The following CSTPP1 variants were observed in gnomAD, a reference collection of about 807,000 sequenced individuals.
CSTPP1 encodes the protein UPF0705 protein C11orf49.
the CSTPP1 span, among the ~76,000 whole-genome samples, chr11:47,112,012 T>C: frequency 1.3e-5 from 2 of 152,192 alleles, no homozygotes; most frequent in African/African-American, 2.4e-5. Flanking sequence ...GCTCCTGCCA[T>C]GTTGGTTTCC....
At chr11:46,991,574 C>T in the CSTPP1 span, 1 of 152,124 alleles carries the variant, frequency 6.6e-6, no homozygotes, top group Non-Finnish European at 1.5e-5. Flanking sequence ...GCCTACGGGT[C>T]AAGTTTCTAT....
the CSTPP1 span, chr11:47,155,099 C>G: frequency 1.0e-6 from 1 of 965,926 alleles, no homozygotes; most frequent in Non-Finnish European, 1.6e-6. Flanking sequence ...CTTTTCCCTT[C>G]CTCCCTCTCC....
At chr11:47,046,543 TAGAA>T in the CSTPP1 span, among the ~76,000 whole-genome samples, 1 of 151,568 alleles carries the variant, frequency 6.6e-6, no homozygotes, top group Non-Finnish European at 1.5e-5. Flanking sequence ...GCTAAATAAA[TAGAA>T]AGACACCCTG....
the CSTPP1 span, among the ~76,000 whole-genome samples, chr11:46,953,669 T>C: frequency 6.6e-6 from 1 of 152,230 alleles, no homozygotes; most frequent in African/African-American, 2.4e-5. Flanking sequence ...CAATATAATG[T>C]CAACTTTCAT....
chr11:47,080,593 G>A, the CSTPP1 span, among the ~76,000 whole-genome samples: 57 of 152,170 alleles, frequency 3.7e-4, no homozygotes, highest in African/African-American at 1.4e-3. Flanking sequence ...AAAATTACAT[G>A]ATTGCAGGTG....
the CSTPP1 span, among the ~76,000 whole-genome samples, chr11:47,047,772 G>T: frequency 6.6e-5 from 10 of 152,034 alleles, no homozygotes; most frequent in African/African-American, 2.2e-4. Context: ...ATCCAATAAG[G>T]AATTAATATC....
chr11:46,950,319 G>A, the CSTPP1 span, among the ~76,000 whole-genome samples: 3 of 151,224 alleles, frequency 2.0e-5, no homozygotes, highest in African/African-American at 4.9e-5. Flanking sequence ...GACTACAGGC[G>A]CCCGCCACCT....
At chr11:46,994,760 G>C in the CSTPP1 span, among the ~76,000 whole-genome samples, 1 of 152,186 alleles carries the variant, frequency 6.6e-6, no homozygotes, top group Non-Finnish European at 1.5e-5. Flanking sequence ...GTCTCTGCCA[G>C]GCTTTGGTAT....
the CSTPP1 span, chr11:47,164,338 C>G: frequency 2.2e-6 from 3 of 1,385,346 alleles, no homozygotes; most frequent in Non-Finnish European, 2.9e-6. Flanking sequence ...CCTGCAGGGG[C>G]TTTATTTTGA....
the CSTPP1 span, among the ~76,000 whole-genome samples, chr11:47,070,267 G>GGA: frequency 8.7e-4 from 128 of 146,694 alleles, no homozygotes; most frequent in Admixed American, 2.3e-3. Flanking sequence ...GGAGAGAGGG[G>GGA]GAGAGAGAGA....
At chr11:46,977,241 C>T in the CSTPP1 span, among the ~76,000 whole-genome samples, 14 of 152,294 alleles carry the variant, frequency 9.2e-5, no homozygotes, top group Admixed American at 2.6e-4. Context: ...CATTCCTCAA[C>T]AAAACAGCAG....
chr11:46,982,155 G>T, the CSTPP1 span, among the ~76,000 whole-genome samples: 243 of 151,590 alleles, frequency 1.6e-3, no homozygotes, highest in African/African-American at 5.6e-3. Flanking sequence ...TTTTAATTTA[G>T]TTCAGCAAAC....
the CSTPP1 span, among the ~76,000 whole-genome samples, chr11:47,021,526 G>A: frequency 6.6e-6 from 1 of 152,140 alleles, no homozygotes; most frequent in Non-Finnish European, 1.5e-5. Context: ...CTGGCAGGGG[G>A]AGTCCTTAAT....
chr11:47,142,098 C>T, the CSTPP1 span, among the ~76,000 whole-genome samples: 1 of 151,882 alleles, frequency 6.6e-6, no homozygotes, highest in Non-Finnish European at 1.5e-5. Context: ...CAAAAATTAG[C>T]TGGGCGTGGT....
the CSTPP1 span, among the ~76,000 whole-genome samples, chr11:47,085,489 T>A: frequency 6.6e-5 from 10 of 152,114 alleles, no homozygotes; most frequent in Non-Finnish European, 1.3e-4. Context: ...CTGGAAAAGA[T>A]AAAATAAACA....
At chr11:47,075,926 C>CAAAAAAA in the CSTPP1 span, among the ~76,000 whole-genome samples, 1 of 35,802 alleles carries the variant, frequency 2.8e-5, no homozygotes, top group Non-Finnish European at 5.6e-5. Context: ...GATTCATTCT[C>CAAAAAAA]AAAAAAAAAA....
chr11:46,992,790 C>T, the CSTPP1 span, among the ~76,000 whole-genome samples: 9 of 152,104 alleles, frequency 5.9e-5, no homozygotes, highest in African/African-American at 2.2e-4. Context: ...ATTTCTAGTT[C>T]TAGATCCTTG....
At chr11:47,161,155 GCACGACC>G in the CSTPP1 span, 2 of 1,614,222 alleles carry the variant, frequency 1.2e-6, no homozygotes, top group Non-Finnish European at 1.7e-6. Context: ...GGGATCTGAT[GCACGACC>G]CAGCAATGGA....
At chr11:47,161,486 G>C in the CSTPP1 span, 1 of 1,614,022 alleles carries the variant, frequency 6.2e-7, no homozygotes. Context: ...CCCAGGCCTG[G>C]TCAACTCGGT....
Sources: allele counts gnomAD v4.1 joint callset (sites outside exome capture counted in the v4.1 genomes callset), GRCh38; gene constraint gnomAD v4.1.1; transcripts MANE v1.5; gene names NCBI Gene and HGNC (gene_info 2026-07-23, HGNC 2026-07-21).